Variants in GRAP2 observed in about 807,000 individuals in gnomAD.
The protein encoded by GRAP2 is GRB2-related adapter protein 2.
GRAP2 carries 31 observed loss-of-function variants against 43.5 expected under a neutral mutation model. The ratio of observed to expected loss-of-function variants is 0.71; its 90% confidence interval spans 0.54 to 0.96. The LOEUF is 0.96. Among genes scored for constraint, GRAP2 ranks in the 40% least tolerant of loss-of-function variants. GRAP2 has a pLI of 0.00. For missense variants in GRAP2, 371 were observed against 424.4 expected (o/e 0.87, Z 1.11); for synonymous variants, 156 against 164.8 (o/e 0.95, Z 0.41).
chr22:39,898,444 A>G (rs1410677476), upstream of GRAP2, among the ~76,000 whole-genome samples: 1 of 152,258 alleles, frequency 6.6e-6, no homozygotes, highest in African/African-American at 2.4e-5. Context: ...TGAAACGAGA[A>G]TGTCTGAATG....
At position 39,968,035 on chromosome 22, in the gene GRAP2, C is replaced by T. The variant is rs373440896; in HGVS notation, c.460-7C>T. The T allele has an allele frequency of 4.2e-4, 671 of 1,611,490 alleles. 8 individuals are homozygous for T. In the African/African-American group the frequency reaches 8.3e-3, roughly 20 times the overall value. ...TGCATCTGCAGCATCTCTGTTCTTT[C>T]TCCCAGGGTCACCGGGGCAACAGCC... is the stretch of plus-strand genomic sequence containing the variant. On this transcript the variant is annotated splice_region_variant and splice_polypyrimidine_tract_variant and intron_variant, in intron 5 of 7. Coordinates refer to ENST00000344138, the MANE Select transcript of GRAP2 (RefSeq NM_004810.4).
intron 1 of GRAP2, among the ~76,000 whole-genome samples, chr22:39,906,702 C>A (rs752631391): frequency 6.6e-6 from 1 of 152,056 alleles, no homozygotes; most frequent in African/African-American, 2.4e-5. Flanking sequence ...TTCTCCACAC[C>A]CCCCAGCCTT....
chr22:39,897,892 A>G (rs1204597153), upstream of GRAP2, among the ~76,000 whole-genome samples: 2 of 152,152 alleles, frequency 1.3e-5, no homozygotes, highest in African/African-American at 4.8e-5. Context: ...CACAACAGCC[A>G]GAGCTACCCT....
chr22:39,929,714 A>G (rs73885621), intron 1 of GRAP2, among the ~76,000 whole-genome samples: 1,921 of 152,316 alleles, frequency 0.013, 52 homozygotes, highest in African/African-American at 0.044. Context: ...GGTTTTCACA[A>G]TCATCTATAT....
rs746876418 is a variant in GRAP2 at position 39,970,892 on chromosome 22, C to T, written c.814-13C>T. ...ACAGCTCAGCAGAGCCTCTTCTGTGCTTCCCCCAACAGCGAGTGCGGTGGG... is the reference window on the plus strand; with the variant it reads ...ACAGCTCAGCAGAGCCTCTTCTGTGTTTCCCCCAACAGCGAGTGCGGTGGG... On this transcript the variant is annotated splice_polypyrimidine_tract_variant and intron_variant, in intron 7 of 7. Transcript: ENST00000344138. The T allele has an allele frequency of 6.3e-7, 1 of 1,583,280 alleles. No individual in the cohort carries two copies. Among genetic ancestry groups the T allele is most frequent in the Non-Finnish European group, 8.6e-7 (1 of 1,165,054 alleles).
chr22:39,960,359 C>A, intron 4 of GRAP2, 185 bp downstream of exon 4: 1 of 599,372 alleles, frequency 1.7e-6, no homozygotes, highest in Non-Finnish European at 3.0e-6. Flanking sequence ...GCACACACCA[C>A]TCTTTAGAAC....
At chr22:39,963,232 T>G (rs934541410) in intron 4 of GRAP2, among the ~76,000 whole-genome samples, 1 of 152,214 alleles carries the variant, frequency 6.6e-6, no homozygotes, top group African/African-American at 2.4e-5. Flanking sequence ...GTTAAGGGCC[T>G]GAAACACCAG....
rs1195982402 is a variant in GRAP2, at chr22:39,973,155, A to C, written c.*2071A>C. 6.6e-6 allele frequency: 1 copy of C among 152,314 alleles called. No individual in the cohort carries two copies. The highest frequency in any genetic ancestry group is 6.5e-5 in the Admixed American group (1 of 15,290). The allele number at this position is 152,314 out of a possible 1,614,324, so 9.4% of individuals were successfully genotyped here. A position where few individuals can be genotyped will look rare whatever the true frequency, so the allele number is the denominator to read the frequency against. On this transcript the variant is annotated 3_prime_UTR_variant, in exon 8 of 8. Transcript: ENST00000344138. Reference sequence around the variant, plus strand: ...CTGCAGTAAATAAAAGCCATAAGTAATGTTTGATTTTACAGTATTTACAAA... The same window carrying C: ...CTGCAGTAAATAAAAGCCATAAGTACTGTTTGATTTTACAGTATTTACAAA...
rs2067195838 is a variant in GRAP2, at chr22:39,968,219, C to A, written c.637C>A (p.Gln213Lys). ...QPPQYAPAPQ[Q>K]LQQPPQQRYL... The stretch of plus-strand genomic sequence containing the variant: ...TCCGCAATATGCCCCAGCGCCCCAG[C>A]AGCTGCAGCAGCCCCCACAGCAGCG... Residue 213 changes from glutamine (Q) to lysine (K), a missense_variant, in exon 6 of 8, where the codon CAG becomes AAG. Transcript: ENST00000344138. The A allele has an allele frequency of 6.2e-7, 1 of 1,602,330 alleles. No individual in the cohort carries two copies.
intron 1 of GRAP2, among the ~76,000 whole-genome samples, chr22:39,927,741 A>G (rs2066719231): frequency 6.6e-6 from 1 of 151,502 alleles, no homozygotes; most frequent in Admixed American, 6.6e-5. Flanking sequence ...GCTCTTTTCC[A>G]CCATCCCCCG....
chr22:39,947,690 G>A (rs1440322467), intron 2 of GRAP2: 1 of 157,528 alleles, frequency 6.3e-6, no homozygotes, highest in Non-Finnish European at 1.4e-5. Flanking sequence ...CAGCCACAGA[G>A]GACATGGCTC....
chr22:39,960,151 A>G lies in GRAP2; in HGVS notation c.267A>G (p.Pro89=). 1 of 1,613,542 alleles carries G rather than the reference A, an allele frequency of 6.2e-7. No individual in the cohort carries two copies. The highest frequency in any genetic ancestry group is 8.5e-7 in the Non-Finnish European group (1 of 1,179,430). Reference sequence around the variant, plus strand: ...TCATCCGGGCCAGCCAGAGCTCCCCAGGGGACTTCTCCATCTCTGTCAGGT... The same window carrying G: ...TCATCCGGGCCAGCCAGAGCTCCCCGGGGGACTTCTCCATCTCTGTCAGGT... The part of the protein sequence containing the change: ...FFIIRASQSS[P]GDFSISVRHE... Residue 89 remains proline (P), a synonymous_variant, in exon 4 of 8, where the codon CCA becomes CCG. Coordinates refer to ENST00000344138, the MANE Select transcript of GRAP2 (RefSeq NM_004810.4).
intron 2 of GRAP2, among the ~76,000 whole-genome samples, chr22:39,951,264 C>G (rs948749956): frequency 6.6e-6 from 1 of 152,196 alleles, no homozygotes; most frequent in Non-Finnish European, 1.5e-5. Context: ...ACCACCATAC[C>G]TGCAGCTACA....
At chr22:39,970,173 T>C (rs2067222888) in intron 7 of GRAP2, among the ~76,000 whole-genome samples, 1 of 152,198 alleles carries the variant, frequency 6.6e-6, no homozygotes, top group South Asian at 2.1e-4. Context: ...TCAAGTGCAG[T>C]GGCACAATCA....
chr22:39,925,193 A>G (rs895283265), intron 1 of GRAP2, among the ~76,000 whole-genome samples: 2 of 152,194 alleles, frequency 1.3e-5, no homozygotes, highest in African/African-American at 2.4e-5. Context: ...TGCTTTTGAG[A>G]AACTAAATCT....
intron 7 of GRAP2, 76 bp from the exon 8 acceptor site, chr22:39,970,829 G>A (rs2067233317): frequency 7.6e-7 from 1 of 1,316,916 alleles, no homozygotes; most frequent in Non-Finnish European, 1.0e-6. Context: ...TGGATGTGGT[G>A]GGAGGAGCCA....
chr22:39,900,979 A>G, upstream of GRAP2: 1 of 248,030 alleles, frequency 4.0e-6, no homozygotes, highest in Non-Finnish European at 8.0e-6. Context: ...AACCTCCTGC[A>G]TTTTAGTTCA....
At chr22:39,956,050 G>C (rs1316382555) in intron 3 of GRAP2, 140 bp downstream of exon 3, 1 of 595,338 alleles carries the variant, frequency 1.7e-6, no homozygotes, top group Non-Finnish European at 3.1e-6. Context: ...AGAGCCTCCA[G>C]AGCATGCAGC....
chr22:39,968,434 TA>T, intron 6 of GRAP2, 162 bp downstream of exon 6: 1 of 678,214 alleles, frequency 1.5e-6, no homozygotes, highest in Non-Finnish European at 2.5e-6. Flanking sequence ...AAGACATCTC[TA>T]TGAATTAAAT....
Sources: gnomAD v4.1 joint callset for allele counts (sites outside exome capture counted in the v4.1 genomes callset) on GRCh38, gnomAD v4.1.1 for gene constraint, MANE v1.5 for transcripts, NCBI Gene and HGNC (gene_info 2026-07-23, HGNC 2026-07-21) for gene names.